Variants in FBXL18 observed in about 807,000 individuals in gnomAD.
FBXL18 encodes F-box/LRR-repeat protein 18.
A neutral mutation model predicts 46.0 loss-of-function variants in FBXL18; 36 were observed. That is an observed-to-expected ratio of 0.78 (90% confidence interval 0.60 to 1.03). The LOEUF is 1.03. FBXL18 is among the 50% of genes least tolerant of loss of function. The pLI is 0.00. For missense variants in FBXL18, 977 were observed against 1,004.1 expected (o/e 0.97, Z 0.36); for synonymous variants, 557 against 465.3 (o/e 1.20, Z -2.54).
At chr7:5,499,731 CAA>C (rs58187609) in intron 3 of FBXL18, among the ~76,000 whole-genome samples, 77 of 115,730 alleles carry the variant, frequency 6.7e-4, no homozygotes, top group Admixed American at 1.5e-3. Context: ...GACTCTGTCT[CAA>C]AAAAAAAAAA....
At position 5,500,678 on chromosome 7, in the gene FBXL18, C is replaced by A. The variant is rs111706174; in HGVS notation, c.1591G>T (p.Ala531Ser). 4 of 1,610,988 alleles carry A rather than the reference C, an allele frequency of 2.5e-6. No individual in the cohort carries two copies. In the African/African-American group the frequency reaches 4.0e-5, roughly 16 times the overall value. ...DSEVAAIGQL[A>S]FLRHLTLAQL... ...GCGAGCGTCAGGTGCCGCAGGAAGG[C>A]CAGCTGGCCGATGGCGGCCACCTCC... Residue 531 changes from alanine (A) to serine (S), a missense_variant, in exon 3 of 5, where the codon GCC (alanine) becomes TCC (serine). Transcript: ENST00000382368.
chr7:5,498,319 C>G (rs936699805), intron 3 of FBXL18, among the ~76,000 whole-genome samples: 14 of 152,178 alleles, frequency 9.2e-5, no homozygotes, highest in Admixed American at 9.2e-4. Context: ...ATCTCCTGAC[C>G]TTATGATCCA....
intron 4 of FBXL18, among the ~76,000 whole-genome samples, chr7:5,486,576 C>T (rs1211335498): frequency 6.6e-6 from 1 of 152,040 alleles, no homozygotes; most frequent in Non-Finnish European, 1.5e-5. Context: ...TCACTTGAGT[C>T]TGGGAGGTCA....
chr7:5,503,998 C>T (rs913874603), intron 2 of FBXL18, among the ~76,000 whole-genome samples: 1 of 151,448 alleles, frequency 6.6e-6, no homozygotes, highest in Non-Finnish European at 1.5e-5. Flanking sequence ...GGATGTACAC[C>T]GAGAGGCACT....
Position 5,478,912 on chromosome 7 carries a change from G to C in FBXL18, c.*2863C>G, listed in dbSNP as rs538935891. 1 of 152,298 alleles carries C rather than the reference G, an allele frequency of 6.6e-6. No homozygotes were observed. Among genetic ancestry groups the C allele is most frequent in the African/African-American group, 2.4e-5 (1 of 41,480 alleles). 9.4% of individuals were successfully genotyped at this position (152,298 alleles called of 1,614,324 possible). A position where few individuals can be genotyped will look rare whatever the true frequency, so the allele number is the denominator to read the frequency against. On this transcript the variant is annotated 3_prime_UTR_variant, in exon 5 of 5. Coordinates refer to ENST00000382368, the MANE Select transcript of FBXL18 (RefSeq NM_024963.6). ...AAGTGCTGACCACGCTCCTCCAGCA[G>C]GCAGCATATGGTCTGCTGCTTAACA...
intron 3 of FBXL18, among the ~76,000 whole-genome samples, chr7:5,491,960 A>T (rs1205411596): frequency 2.0e-5 from 3 of 151,656 alleles, no homozygotes; most frequent in Non-Finnish European, 4.4e-5. Flanking sequence ...TCTGGGAGGC[A>T]GGGGGTAAGG....
At chr7:5,497,364 C>T (rs1205392113) in intron 3 of FBXL18, among the ~76,000 whole-genome samples, 1 of 152,200 alleles carries the variant, frequency 6.6e-6, no homozygotes, top group Admixed American at 6.5e-5. Context: ...GCTCCCCACG[C>T]ACGGAGCCTC....
intron 3 of FBXL18, chr7:5,495,844 G>A (rs375178432): frequency 1.4e-4 from 69 of 481,192 alleles, no homozygotes; most frequent in Admixed American, 4.8e-4. Context: ...TCTGGGAACC[G>A]GCATTTGTTC....
downstream of FBXL18, among the ~76,000 whole-genome samples, chr7:5,473,709 C>T (rs955746050): frequency 3.4e-5 from 5 of 147,554 alleles, no homozygotes; most frequent in Non-Finnish European, 5.9e-5. Context: ...TGCAGTGAGC[C>T]GAGATTGTGC....
At chr7:5,473,978 G>A (rs954735805), downstream of FBXL18, among the ~76,000 whole-genome samples, 1 of 151,920 alleles carries the variant, frequency 6.6e-6, no homozygotes. Context: ...TGTACTTTTT[G>A]TAGAGATGGG....
chr7:5,455,043 G>A lies in FBXL18; in HGVS notation c.2001-7200C>T, dbSNP rs925390920. Among the ~76,000 whole-genome samples, 2 of 152,270 alleles carry A rather than the reference G, an allele frequency of 1.3e-5. No homozygotes were observed. The highest frequency in any genetic ancestry group is 2.1e-4 in the South Asian group (1 of 4,820). On this transcript the variant is annotated intron_variant and NMD_transcript_variant, in intron 4 of 6. Coordinates refer to the FBXL18 transcript ENST00000415009. The surrounding 1 kb of genome is among the most constrained non-coding windows in gnomAD (Gnocchi z 4.6). The stretch of plus-strand genomic sequence containing the variant: ...GTGATCCCAGTCACACTGGCACTCC[G>A]AGTGCCACCTTCCACGCCGTCACTT...
In FBXL18 at chr7:5,480,060, T is replaced by A. The variant is rs1783601602; in HGVS notation, c.*1715A>T. The stretch of plus-strand genomic sequence containing the variant: ...TCCAAAGGCCTCCTGGACAAGGAGC[T>A]TGGCCCCCAGAGCAAGGAGCTGCTG... On this transcript the variant is annotated 3_prime_UTR_variant, in exon 5 of 5. Transcript: ENST00000382368. 6.6e-6 allele frequency among the ~76,000 whole-genome samples: 1 copy of A among 152,172 alleles called. No homozygotes were observed. Among genetic ancestry groups the A allele is most frequent in the Admixed American group, 6.5e-5 (1 of 15,282 alleles).
chr7:5,501,357 G>A lies in FBXL18; in HGVS notation c.912C>T (p.Gly304=), dbSNP rs752776986. 1.2e-6 allele frequency: 2 copies of A among 1,614,136 alleles called. No individual in the cohort carries two copies. The highest frequency in any genetic ancestry group is 1.7e-6 in the Non-Finnish European group (2 of 1,180,036). The change falls in exon 3 of 5, where the codon GGC becomes GGT. Residue 304 remains glycine, a synonymous_variant. Coordinates refer to ENST00000382368, the MANE Select transcript of FBXL18 (RefSeq NM_024963.6). ...ALQLPKSWLN[G]SSLLQHMKFN... The stretch of plus-strand genomic sequence containing the variant: ...ATTTCATGTGCTGCAGGAGGGAAGA[G>A]CCGTTCAGCCAGGACTTGGGCAGCT...
In FBXL18 at chr7:5,467,864, G is replaced by A. The variant is rs189235096; in HGVS notation, c.2001-20021C>T. 2.6e-5 allele frequency among the ~76,000 whole-genome samples: 4 copies of A among 152,270 alleles called. No individual in the cohort carries two copies. In the East Asian group the frequency reaches 5.8e-4, roughly 22 times the overall value. On this transcript the variant is annotated intron_variant and NMD_transcript_variant, in intron 4 of 6. Coordinates refer to the FBXL18 transcript ENST00000415009. ...TTGGAGACAACCTAATTGTCTGACA[G>A]CAGAAAGAGCTTGTGACAGCAAAGC...
At chr7:5,463,025 G>A (rs1424587875) in intron 4 of FBXL18, among the ~76,000 whole-genome samples, 2 of 113,974 alleles carry the variant, frequency 1.8e-5, no homozygotes, top group African/African-American at 6.5e-5. Flanking sequence ...ATGCATAAAT[G>A]ACCAGTGAGC....
At chr7:5,506,974 G>A (rs1191410696) in intron 1 of FBXL18, among the ~76,000 whole-genome samples, 1 of 152,192 alleles carries the variant, frequency 6.6e-6, no homozygotes, top group East Asian at 1.9e-4. Flanking sequence ...AGAAGAGCTG[G>A]ACCTAATGAG....
At chr7:5,513,484 C>T (rs1338835043) in intron 1 of FBXL18, among the ~76,000 whole-genome samples, 173 bp downstream of exon 1, 1 of 151,040 alleles carries the variant, frequency 6.6e-6, no homozygotes, top group African/African-American at 2.4e-5. Context: ...GTCTTGGGGA[C>T]AGGATGCGGG....
chr7:5,464,162 G>A (rs1024724602), intron 4 of FBXL18, among the ~76,000 whole-genome samples: 1 of 152,084 alleles, frequency 6.6e-6, no homozygotes, highest in African/African-American at 2.4e-5. Flanking sequence ...TGGCCAACAT[G>A]GTGAAACCCT....
chr7:5,510,163 G>A (rs1225609728), intron 1 of FBXL18, among the ~76,000 whole-genome samples: 1 of 151,500 alleles, frequency 6.6e-6, no homozygotes. Flanking sequence ...TTAGCTGGGC[G>A]TGGTGGCAGG....
Sources: allele counts gnomAD v4.1 joint callset (sites outside exome capture counted in the v4.1 genomes callset), GRCh38; gene constraint gnomAD v4.1.1; non-coding constraint Gnocchi (gnomAD v3.1); transcripts MANE v1.5; gene names NCBI Gene and HGNC (gene_info 2026-07-23, HGNC 2026-07-21).